The following FSTL1 variants were observed in gnomAD, a reference collection of about 807,000 sequenced individuals.
FSTL1 encodes the protein follistatin like 1, also known as follistatin-related protein 1.
Under a neutral mutation model 45.9 loss-of-function variants are expected in FSTL1, and 24 were observed. That is an observed-to-expected ratio of 0.52 (90% CI 0.38 to 0.74). The LOEUF (loss-of-function observed/expected upper bound fraction) is 0.74, where lower values mean the gene tolerates loss of function less well. FSTL1 is among the 30% of genes least tolerant of loss of function. FSTL1 has a pLI of 0.00. For synonymous variants in FSTL1, 120 were observed against 137.6 expected (o/e 0.87, Z 0.89); for missense variants, 340 against 381.8 (o/e 0.89, Z 0.91).
rs1251731642 is a variant in FSTL1, at chr3:120,414,290, C to A, written c.168+1633G>T. Among the ~76,000 whole-genome samples, 17 of 151,452 alleles carry A rather than the reference C, an allele frequency of 1.1e-4. No individual in the cohort carries two copies. The South Asian group carries it at 3.6e-3, about 32-fold the overall frequency. On this transcript the variant is annotated intron_variant, in intron 3 of 10. Coordinates refer to ENST00000295633, the MANE Select transcript of FSTL1 (RefSeq NM_007085.5). Reference sequence around the variant, plus strand: ...CTCTGCCTGGCTGCCCAGTCTGGAACGTGAGAAGCGTCTCTGCCCGGCCGC... The same window carrying A: ...CTCTGCCTGGCTGCCCAGTCTGGAAAGTGAGAAGCGTCTCTGCCCGGCCGC...
At position 120,412,834 on chromosome 3, in the gene FSTL1, G is replaced by GCACACA. The variant is rs1314293203; in HGVS notation, c.169-852_169-851insTGTGTG. 2.3e-3 allele frequency among the ~76,000 whole-genome samples: 177 copies of GCACACA among 77,530 alleles called. 1 individual carries two copies. Among genetic ancestry groups the GCACACA allele is most frequent in the East Asian group, 8.8e-3 (23 of 2,628 alleles). 50.9% of individuals were successfully genotyped at this position (77,530 alleles called of 152,430 possible). A position where few individuals can be genotyped will look rare whatever the true frequency, so the allele number is the denominator to read the frequency against. On this transcript the variant is annotated intron_variant, in intron 3 of 10. Coordinates refer to ENST00000295633, the MANE Select transcript of FSTL1 (RefSeq NM_007085.5). ...CACACACATGTGCGCGCGCGCGCGC[G>GCACACA]CGCGCACACACACACACACACACAC...
chr3:120,396,095 G>C lies in FSTL1; in HGVS notation c.*857C>G, dbSNP rs1936693470. 6.5e-6 allele frequency: 1 copy of C among 154,170 alleles called. No homozygotes were observed. The highest frequency in any genetic ancestry group is 2.6e-5 in the African/African-American group (1 of 38,346). 9.6% of individuals were successfully genotyped at this position (154,170 alleles called of 1,614,324 possible). A position where few individuals can be genotyped will look rare whatever the true frequency, so the allele number is the denominator to read the frequency against. Reference sequence around the variant, plus strand: ...CAACTATGGGCTGCATCTAGTATGTGGCAGGGTGGGGGCATCTGGGTTATT... The same window carrying C: ...CAACTATGGGCTGCATCTAGTATGTCGCAGGGTGGGGGCATCTGGGTTATT... On this transcript the variant is annotated 3_prime_UTR_variant, in exon 11 of 11. Transcript: ENST00000295633.
At position 120,394,312 on chromosome 3, in the gene FSTL1, G is replaced by A. The variant is rs531956659; in HGVS notation, c.*2640C>T. On this transcript the variant is annotated 3_prime_UTR_variant, in exon 11 of 11. Transcript: ENST00000295633. ...ATTTCTTTATTCATCAATAGTATCC[G>A]AAAAGGAAGAATCAGGAGTTACAAA... The A allele has an allele frequency of 1.4e-4, 22 of 152,278 alleles. No homozygotes were observed. The highest frequency in any genetic ancestry group is 2.9e-4 in the African/African-American group (12 of 41,560). The allele number at this position is 152,278 out of a possible 1,614,324, so 9.4% of individuals were successfully genotyped here. A position where few individuals can be genotyped will look rare whatever the true frequency, so the allele number is the denominator to read the frequency against.
At chr3:120,412,805 A>C (rs1576213778) in intron 3 of FSTL1, among the ~76,000 whole-genome samples, 1 of 143,092 alleles carries the variant, frequency 7.0e-6, no homozygotes, top group Non-Finnish European at 1.5e-5. Flanking sequence ...CAGGCAGGCA[A>C]ACACACACAC....
At chr3:120,429,735 G>T (rs1156791328) in intron 2 of FSTL1, among the ~76,000 whole-genome samples, 2 of 152,186 alleles carry the variant, frequency 1.3e-5, no homozygotes, top group Non-Finnish European at 2.9e-5. Context: ...AGCCACAGGA[G>T]GATTTTCTAG....
rs768644365 is a variant in FSTL1, at chr3:120,404,959, C to T, written c.475G>A (p.Gly159Ser). The change falls in exon 7 of 11, where the codon GGT becomes AGT. Residue 159 changes from glycine (G) to serine (S), a missense_variant. Transcript: ENST00000295633. ...TCACTGGAGTCCAGGCGAGAATCAC[C>T]ATTATCAAAGTTCTAGAAAGGGCAT... ...LDKYFKNFDN[G>S]DSRLDSSEFL... is the part of the protein sequence containing the mutation. 6.3e-7 allele frequency: 1 copy of T among 1,574,808 alleles called. No individual in the cohort carries two copies. Among genetic ancestry groups the T allele is most frequent in the South Asian group, 1.1e-5 (1 of 90,298 alleles).
In FSTL1 at chr3:120,411,009, G is replaced by T. The variant is rs761356091; in HGVS notation, c.299-25C>A. 2.5e-6 allele frequency: 4 copies of T among 1,580,330 alleles called. No homozygotes were observed. In the Admixed American group the frequency reaches 7.3e-5, roughly 29 times the overall value. On this transcript the variant is annotated intron_variant, in intron 4 of 10. Transcript: ENST00000295633. ...TCTGCAAGACAAAAAGAGAAAACGT[G>T]TAATGCGAAGTGAAGGAAAAAAGAA... is the stretch of plus-strand genomic sequence containing the variant.
At chr3:120,435,209 ACT>A (rs1157647156) in intron 2 of FSTL1, among the ~76,000 whole-genome samples, 1 of 152,142 alleles carries the variant, frequency 6.6e-6, no homozygotes, top group Non-Finnish European at 1.5e-5. Context: ...ACAGAGCGAG[ACT>A]CTGTCTCAAA....
At chr3:120,405,029 T>C (rs984597608) in intron 6 of FSTL1, 58 bp from the exon 7 acceptor site, 13 of 886,202 alleles carry the variant, frequency 1.5e-5, no homozygotes, top group Non-Finnish European at 2.1e-5. Flanking sequence ...TGTTCCATCA[T>C]TACTCCACTC....
chr3:120,401,289 G>C (rs373243546), intron 9 of FSTL1, among the ~76,000 whole-genome samples: 13 of 152,252 alleles, frequency 8.5e-5, no homozygotes, highest in African/African-American at 3.1e-4. Flanking sequence ...GAACTTGTAG[G>C]AATTTCTAGT....
intron 2 of FSTL1, among the ~76,000 whole-genome samples, chr3:120,424,927 T>C (rs1247284026): frequency 6.6e-6 from 1 of 151,646 alleles, no homozygotes; most frequent in Non-Finnish European, 1.5e-5. Context: ...TAAAGATGCA[T>C]ATCTGGGCGT....
intron 6 of FSTL1, 146 bp from the exon 7 acceptor site, chr3:120,405,117 T>C: frequency 1.6e-6 from 1 of 618,352 alleles, no homozygotes; most frequent in Non-Finnish European, 3.0e-6. Flanking sequence ...TGGCAACAAA[T>C]GCTCTAATCC....
At chr3:120,434,145 G>A (rs746900198) in intron 2 of FSTL1, among the ~76,000 whole-genome samples, 5 of 152,182 alleles carry the variant, frequency 3.3e-5, no homozygotes, top group Non-Finnish European at 7.3e-5. Context: ...TGGCAGCTTG[G>A]CTAGGGTGGT....
Position 120,394,916 on chromosome 3 carries a change from G to A in FSTL1, c.*2036C>T, listed in dbSNP as rs547611718. ...AACCATGTTCTAAATGACTAGTGAAGAGACACTGTGGTTTCTTGCTTTTAA... is the reference window on the plus strand; with the variant it reads ...AACCATGTTCTAAATGACTAGTGAAAAGACACTGTGGTTTCTTGCTTTTAA... On this transcript the variant is annotated 3_prime_UTR_variant, in exon 11 of 11. Transcript: ENST00000295633. 6.6e-6 allele frequency: 1 copy of A among 152,220 alleles called. No homozygotes were observed. Among genetic ancestry groups the A allele is most frequent in the South Asian group, 2.1e-4 (1 of 4,826 alleles). The allele number at this position is 152,220 out of a possible 1,614,324, so 9.4% of individuals were successfully genotyped here.
intron 1 of FSTL1, 39 bp from the exon 2 acceptor site, chr3:120,450,785 G>T: frequency 6.8e-7 from 1 of 1,464,246 alleles, no homozygotes; most frequent in Non-Finnish European, 9.2e-7. Flanking sequence ...AAGGCGCCGG[G>T]CCCCGCGCTG....
rs1395764782 is a variant in FSTL1 at position 120,392,409 on chromosome 3, A to G, written c.*4543T>C. On this transcript the variant is annotated 3_prime_UTR_variant, in exon 11 of 11. Transcript: ENST00000295633. ...AAAAGTTCGAAGGCACAATGTTTGCAAGAATGTAGGGAAATGGATATGCTC... is the reference window on the plus strand; with the variant it reads ...AAAAGTTCGAAGGCACAATGTTTGCGAGAATGTAGGGAAATGGATATGCTC... 1 of 152,232 alleles carries G rather than the reference A, an allele frequency of 6.6e-6. No homozygotes were observed. Among genetic ancestry groups the G allele is most frequent in the East Asian group, 1.9e-4 (1 of 5,204 alleles). 9.4% of individuals were successfully genotyped at this position (152,232 alleles called of 1,614,324 possible).
chr3:120,418,958 G>GAT, intron 2 of FSTL1: 1 of 152,188 alleles, frequency 6.6e-6, no homozygotes, highest in Non-Finnish European at 1.5e-5. Flanking sequence ...GCACTGCAGT[G>GAT]ATAATAGAGA....
intron 2 of FSTL1, chr3:120,438,182 G>A (rs904179606): frequency 8.5e-5 from 13 of 152,198 alleles, no homozygotes; most frequent in African/African-American, 1.9e-4. Flanking sequence ...TTACAGAAGC[G>A]AGAAAAAGTT....
intron 2 of FSTL1, among the ~76,000 whole-genome samples, chr3:120,443,243 T>G (rs1317936414): frequency 4.0e-5 from 6 of 149,464 alleles, no homozygotes; most frequent in Admixed American, 4.0e-4. Flanking sequence ...ACTGCCATGT[T>G]TCAGGATTTT....
Sources: gnomAD v4.1 joint callset for allele counts (sites outside exome capture counted in the v4.1 genomes callset) on GRCh38, gnomAD v4.1.1 for gene constraint, MANE v1.5 for transcripts, NCBI Gene and HGNC (gene_info 2026-07-23, HGNC 2026-07-21) for gene names.